The following UBN2 variants were observed in gnomAD, a reference collection of about 807,000 sequenced individuals.
UBN2 encodes ubinuclein-2.
Under a neutral mutation model 120.2 loss-of-function variants are expected in UBN2, and 35 were observed. That is an observed-to-expected ratio of 0.29 (90% CI 0.22 to 0.39). The LOEUF is 0.39. Among genes scored for constraint, UBN2 ranks in the 10% least tolerant of loss-of-function variants. The probability of loss-of-function intolerance (pLI) is 1.00; values close to 1 mark genes in which losing one functional copy is unlikely to be tolerated. For missense variants in UBN2, 1,693 were observed against 1,663.2 expected (o/e 1.02, Z -0.31); for synonymous variants, 661 against 648.7 (o/e 1.02, Z -0.29).
At chr7:139,243,081 CAG>C (rs141308411) in intron 2 of UBN2, among the ~76,000 whole-genome samples, 9 of 152,222 alleles carry the variant, frequency 5.9e-5, no homozygotes, top group Non-Finnish European at 1.3e-4. Flanking sequence ...AATTTGGGGT[CAG>C]GGGGTCTAGT....
At chr7:139,255,784 C>G (rs556417222) in intron 3 of UBN2, among the ~76,000 whole-genome samples, 2 of 151,930 alleles carry the variant, frequency 1.3e-5, no homozygotes, top group Admixed American at 1.3e-4. Context: ...AAAATAAATA[C>G]CTGAAAATAA....
the UBN2 span, among the ~76,000 whole-genome samples, chr7:139,316,856 C>A: frequency 3.0e-4 from 45 of 151,314 alleles, no homozygotes; most frequent in Non-Finnish European, 5.0e-4. Flanking sequence ...AATTTTTATT[C>A]TTTTGTGAAC....
At position 139,299,762 on chromosome 7, in the gene UBN2, AT is replaced by A. The variant is rs894488428; in HGVS notation, c.*1928del. 5 of 152,280 alleles carry A rather than the reference AT, an allele frequency of 3.3e-5. No individual in the cohort carries two copies. Among genetic ancestry groups the A allele is most frequent in the Non-Finnish European group, 7.4e-5 (5 of 68,004 alleles). 9.4% of individuals were successfully genotyped at this position (152,280 alleles called of 1,614,324 possible). ...TTTGATGAAGATTTGCTTGGTTTCA[AT>A]TAAGGAAGCTTGCCCAATTTTTTTA... On this transcript the variant is annotated 3_prime_UTR_variant, in exon 18 of 18. Transcript: ENST00000473989.
At chr7:139,234,879 T>C (rs1483352722) in intron 1 of UBN2, among the ~76,000 whole-genome samples, 1 of 152,186 alleles carries the variant, frequency 6.6e-6, no homozygotes, top group Non-Finnish European at 1.5e-5. Flanking sequence ...CTGAAAATGG[T>C]GTTGATGAGT....
intron 6 of UBN2, among the ~76,000 whole-genome samples, chr7:139,265,486 A>AG (rs369216940): frequency 6.6e-6 from 1 of 152,198 alleles, no homozygotes; most frequent in African/African-American, 2.4e-5. Context: ...TCAAAAAAAA[A>AG]GAAATTTCTG....
In UBN2 at chr7:139,259,285, G is replaced by A; in HGVS notation, c.820G>A (p.Asp274Asn). 1 of 1,613,328 alleles carries A rather than the reference G, an allele frequency of 6.2e-7. No homozygotes were observed. The highest frequency in any genetic ancestry group is 8.5e-7 in the Non-Finnish European group (1 of 1,179,700). The change falls in exon 5 of 18, where the codon GAT becomes AAT. Residue 274 changes from aspartate to asparagine, a missense_variant. Coordinates refer to ENST00000473989, the MANE Select transcript of UBN2 (RefSeq NM_173569.4). ...KPPKVPKIKE[D>N]DIEMKKRKRK... ...TTTGCAGGTCCCCAAAATAAAAGAA[G>A]ATGATATTGAGATGAAGAAGCGGAA...
chr7:139,316,077 C>CAAAAAAAAAAAAA, the UBN2 span, among the ~76,000 whole-genome samples: 35 of 14,182 alleles, frequency 2.5e-3, 10 homozygotes, highest in South Asian at 0.011. Flanking sequence ...GACTTCGTCT[C>CAAAAAAAAAAAAA]AAAAAAAAAA....
At position 139,273,932 on chromosome 7, in the gene UBN2, A is replaced by G; in HGVS notation, c.1831A>G (p.Thr611Ala). 1 of 1,598,662 alleles carries G rather than the reference A, an allele frequency of 6.3e-7. No individual in the cohort carries two copies. Among genetic ancestry groups the G allele is most frequent in the Non-Finnish European group, 8.5e-7 (1 of 1,176,024 alleles). ...AAATTTAATTTTCAATCTGTTTAGA[A>G]CTTTGTTATGTAACCTTGTTGAGAT... is the stretch of plus-strand genomic sequence containing the variant. ...KKFHWDDTIR[T>A]LLCNLVEIKL... The change falls in exon 11 of 18, where the codon ACT (threonine) becomes GCT (alanine). Residue 611 changes from threonine (T) to alanine (A), a missense_variant and splice_region_variant. This residue lies in a region of UBN2 where 178 missense variants were observed against 204.0 expected (regional missense o/e 0.87). Transcript: ENST00000473989.
At chr7:139,247,843 C>G (rs1345523726) in intron 2 of UBN2, among the ~76,000 whole-genome samples, 1 of 152,170 alleles carries the variant, frequency 6.6e-6, no homozygotes, top group Non-Finnish European at 1.5e-5. Flanking sequence ...ATGCCTTCCA[C>G]TTGTCCTTGT....
intron 12 of UBN2, chr7:139,276,418 C>T: frequency 2.3e-6 from 1 of 434,904 alleles, no homozygotes; most frequent in Non-Finnish European, 4.2e-6. Flanking sequence ...GTTCCTGGGC[C>T]TTCTACCTGC....
chr7:139,278,578 A>G lies in UBN2; in HGVS notation c.2025-740A>G, dbSNP rs537285703. 1.5e-4 allele frequency among the ~76,000 whole-genome samples: 23 copies of G among 152,014 alleles called. 1 individual carries two copies. The highest frequency in any genetic ancestry group is 6.8e-3 in the Middle Eastern group (2 of 294). ...GTACCAGAAAGTAGGAATCTATGGG[A>G]TAAGTGGGCCTAGAGGTCGTTTCCC... On this transcript the variant is annotated intron_variant, in intron 12 of 17. Transcript: ENST00000473989.
chr7:139,261,732 C>G lies in UBN2; in HGVS notation c.1386C>G (p.Asp462Glu). Residue 462 changes from aspartate to glutamate, a missense_variant, in exon 6 of 18, where the codon GAC (aspartate) becomes GAG (glutamate). Asp to Glu is a conservative substitution (Grantham distance 45). Coordinates refer to ENST00000473989, the MANE Select transcript of UBN2 (RefSeq NM_173569.4). Reference sequence around the variant, plus strand: ...TACTTCTTGAAAAACGTATCGAAGACCTTCGTGTAGTAAGTGTAATAATTC... The same window carrying G: ...TACTTCTTGAAAAACGTATCGAAGAGCTTCGTGTAGTAAGTGTAATAATTC... ...LPVLLEKRIE[D>E]LRVAAKLFDE... is the part of the protein sequence containing the mutation. 2.5e-6 allele frequency: 4 copies of G among 1,610,386 alleles called. No individual in the cohort carries two copies. Among genetic ancestry groups the G allele is most frequent in the Non-Finnish European group, 3.4e-6 (4 of 1,176,992 alleles).
chr7:139,242,076 G>T (rs887546201), intron 2 of UBN2, among the ~76,000 whole-genome samples: 1 of 152,062 alleles, frequency 6.6e-6, no homozygotes, highest in African/African-American at 2.4e-5. Context: ...TTAAAGAATG[G>T]CAGTATCTTG....
intron 9 of UBN2, 50 bp downstream of exon 9, chr7:139,272,490 T>C (rs900292190): frequency 7.8e-7 from 1 of 1,273,942 alleles, no homozygotes; most frequent in Admixed American, 2.0e-5. Flanking sequence ...GAAGTGTATG[T>C]ACGTTATGTA....
In UBN2 at chr7:139,304,708, T is replaced by TGTGTGTGTGTGTGG. The variant is rs1798328405; in HGVS notation, c.*6885_*6886insGGTGTGTGTGTGTG. On this transcript the variant is annotated 3_prime_UTR_variant, in exon 18 of 18. Transcript: ENST00000473989. ...GTCCACTGAATCTCTAATGATAGGG[T>TGTGTGTGTGTGTGG]GTGTGTGTGTGTGTGTGTGTGTGTG... 7.1e-6 allele frequency: 1 copy of TGTGTGTGTGTGTGG among 140,530 alleles called. No homozygotes were observed. Among genetic ancestry groups the TGTGTGTGTGTGTGG allele is most frequent in the African/African-American group, 2.6e-5 (1 of 38,008 alleles). 8.7% of individuals were successfully genotyped at this position (140,530 alleles called of 1,614,324 possible). A position where few individuals can be genotyped will look rare whatever the true frequency, so the allele number is the denominator to read the frequency against.
rs1228951980 is a variant in UBN2, at chr7:139,252,040, A to C, written c.646A>C (p.Ile216Leu). The C allele has an allele frequency of 6.2e-7, 1 of 1,613,950 alleles. No homozygotes were observed. Among genetic ancestry groups the C allele is most frequent in the Admixed American group, 1.7e-5 (1 of 60,006 alleles). Residue 216 changes from isoleucine to leucine, a missense_variant, in exon 3 of 18, where the codon ATT (isoleucine) becomes CTT (leucine). Transcript: ENST00000473989. ...GFGYDETDPFIDNSEAYDELV... is the reference protein window; with the variant it reads ...GFGYDETDPFLDNSEAYDELV... ...TGGCTATGATGAGACAGATCCATTTATTGATAACTCAGAGGCTGTGAGTAA... is the reference window on the plus strand; with the variant it reads ...TGGCTATGATGAGACAGATCCATTTCTTGATAACTCAGAGGCTGTGAGTAA...
intron 8 of UBN2, among the ~76,000 whole-genome samples, chr7:139,269,780 A>C (rs111505457): frequency 2.6e-4 from 40 of 152,224 alleles, no homozygotes; most frequent in African/African-American, 8.9e-4. Flanking sequence ...GCTCTGACAA[A>C]CAGTATTTTT....
At chr7:139,291,327 C>G (rs1231338468) in intron 15 of UBN2, among the ~76,000 whole-genome samples, 3 of 134,870 alleles carry the variant, frequency 2.2e-5, no homozygotes, top group East Asian at 2.2e-4. Flanking sequence ...CAGCACTACA[C>G]TGCAGCCTGG....
rs1196389867 is a variant in UBN2, at chr7:139,306,586, C to G, written c.*8750C>G. The G allele has an allele frequency of 6.6e-6, 1 of 152,168 alleles. No individual in the cohort carries two copies. The allele number at this position is 152,168 out of a possible 1,614,324, so 9.4% of individuals were successfully genotyped here. A position where few individuals can be genotyped will look rare whatever the true frequency, so the allele number is the denominator to read the frequency against. ...CCTTTCCCCATTAGAGGTAGGTTCC[C>G]AGCCTACAAGTATTTCCTGTGATCC... On this transcript the variant is annotated 3_prime_UTR_variant, in exon 18 of 18. Coordinates refer to ENST00000473989, the MANE Select transcript of UBN2 (RefSeq NM_173569.4).
Sources: gnomAD v4.1 joint callset for allele counts (sites outside exome capture counted in the v4.1 genomes callset) on GRCh38, gnomAD v4.1.1 for gene constraint, gnomAD v4.1.1 regional missense constraint, MANE v1.5 for transcripts, NCBI Gene and HGNC (gene_info 2026-07-23, HGNC 2026-07-21) for gene names.